Variants in KHDRBS3 observed in about 807,000 individuals in gnomAD.
The protein encoded by KHDRBS3 is KH domain-containing, RNA-binding, signal transduction-associated protein 3.
A neutral mutation model predicts 45.6 loss-of-function variants in KHDRBS3; 23 were observed. The ratio of observed to expected loss-of-function variants is 0.50; its 90% CI spans 0.36 to 0.72. The LOEUF is 0.72. Ranked by LOEUF, KHDRBS3 falls within the 30% of genes least tolerant of loss-of-function variation. The probability of loss-of-function intolerance (pLI) is 0.00; values close to 1 mark genes in which losing one functional copy is unlikely to be tolerated. For missense variants in KHDRBS3, 352 were observed against 424.8 expected, an observed-to-expected ratio of 0.83 and a Z score of 1.51; for synonymous variants, 162 against 156.5, an observed-to-expected ratio of 1.04 and a Z score of -0.26.
At chr8:135,500,902 G>A (rs929194708) in intron 1 of KHDRBS3, among the ~76,000 whole-genome samples, 4 of 152,084 alleles carry the variant, frequency 2.6e-5, no homozygotes, top group African/African-American at 9.7e-5. Context: ...TAAGTATATC[G>A]TGCTTGAATT....
chr8:135,650,950 A>G (rs766358686), downstream of KHDRBS3, among the ~76,000 whole-genome samples: 16 of 152,340 alleles, frequency 1.1e-4, no homozygotes, highest in South Asian at 3.3e-3. Flanking sequence ...TGCAGATGGT[A>G]GGAAGACAGT....
chr8:135,483,745 C>T (rs982803539), intron 1 of KHDRBS3, among the ~76,000 whole-genome samples: 1 of 152,290 alleles, frequency 6.6e-6, no homozygotes, highest in South Asian at 2.1e-4. Flanking sequence ...TGAACTTACT[C>T]TTCCAGATTT....
chr8:135,497,877 C>T (rs1361878266), intron 1 of KHDRBS3, among the ~76,000 whole-genome samples: 1 of 152,054 alleles, frequency 6.6e-6, no homozygotes, highest in Non-Finnish European at 1.5e-5. Context: ...TGTATTATTC[C>T]ATTTGACTTC....
intron 3 of KHDRBS3, among the ~76,000 whole-genome samples, chr8:135,544,110 T>C (rs986723450): frequency 1.3e-5 from 2 of 152,218 alleles, no homozygotes; most frequent in African/African-American, 2.4e-5. Flanking sequence ...GAAAGTACTC[T>C]ACCCTTGCTG....
intron 1 of KHDRBS3, among the ~76,000 whole-genome samples, chr8:135,469,294 G>GTT (rs1035769485): frequency 1.3e-5 from 2 of 151,942 alleles, no homozygotes; most frequent in Non-Finnish European, 2.9e-5. Context: ...AGGACCGTCT[G>GTT]TTTTTTTTGA....
chr8:135,564,484 AC>A (rs1469512145), intron 5 of KHDRBS3, among the ~76,000 whole-genome samples: 1 of 152,192 alleles, frequency 6.6e-6, no homozygotes, highest in Non-Finnish European at 1.5e-5. Context: ...TTTGGTACTC[AC>A]AATTTAATTA....
intron 1 of KHDRBS3, among the ~76,000 whole-genome samples, chr8:135,463,655 C>T (rs1462327532): frequency 2.6e-5 from 4 of 152,270 alleles, no homozygotes; most frequent in Middle Eastern, 3.4e-3. Context: ...ATTTTGGAAG[C>T]CCTAGTCACA....
chr8:135,642,092 C>T (rs1043293802), intron 7 of KHDRBS3, among the ~76,000 whole-genome samples: 3 of 152,096 alleles, frequency 2.0e-5, no homozygotes, highest in Non-Finnish European at 2.9e-5. Context: ...CATGTGGGCC[C>T]GACTTCTGTT....
intron 6 of KHDRBS3, among the ~76,000 whole-genome samples, chr8:135,600,581 C>T (rs1829164605): frequency 6.6e-6 from 1 of 152,206 alleles, no homozygotes; most frequent in African/African-American, 2.4e-5. Flanking sequence ...TATTAGAGAC[C>T]TCTTGTATCT....
Position 135,569,078 on chromosome 8 carries a change from A to G in KHDRBS3, c.611+11491A>G, listed in dbSNP as rs1827567535. On this transcript the variant is annotated intron_variant, in intron 5 of 8. Coordinates refer to ENST00000355849, the MANE Select transcript of KHDRBS3 (RefSeq NM_006558.3). Reference sequence around the variant, plus strand: ...TTTTACTCTTTGGAAGACTAAACCAATCACCATTAGGAGCCCTGTAGTTTA... The same window carrying G: ...TTTTACTCTTTGGAAGACTAAACCAGTCACCATTAGGAGCCCTGTAGTTTA... Among the ~76,000 whole-genome samples, 3 of 152,316 alleles carry G rather than the reference A, an allele frequency of 2.0e-5. No individual in the cohort carries two copies. In the South Asian group the frequency reaches 6.2e-4, roughly 32 times the overall value.
intron 1 of KHDRBS3, among the ~76,000 whole-genome samples, chr8:135,461,935 C>T (rs1821450939): frequency 6.6e-6 from 1 of 152,100 alleles, no homozygotes; most frequent in Non-Finnish European, 1.5e-5. Flanking sequence ...CAATTCTTAG[C>T]ATTACTTAGA....
intron 6 of KHDRBS3, among the ~76,000 whole-genome samples, chr8:135,605,341 C>T (rs1175431080): frequency 1.3e-5 from 2 of 152,032 alleles, no homozygotes; most frequent in Non-Finnish European, 2.9e-5. Flanking sequence ...TTCTCTTCCT[C>T]AGACTGGATT....
chr8:135,617,820 G>T lies in KHDRBS3; in HGVS notation c.890+10783G>T, dbSNP rs141478502. Among the ~76,000 whole-genome samples the T allele has an allele frequency of 2.9e-3, 439 of 152,246 alleles. 3 individuals are homozygous for T. Among genetic ancestry groups the T allele is most frequent in the African/African-American group, 9.9e-3 (410 of 41,532 alleles). ...TCAATAAAATCCCAACAAATAATCT[G>T]AATAAAATTATGCATGCCATTTTGA... is the stretch of plus-strand genomic sequence containing the variant. On this transcript the variant is annotated intron_variant, in intron 7 of 8. Coordinates refer to ENST00000355849, the MANE Select transcript of KHDRBS3 (RefSeq NM_006558.3).
intron 1 of KHDRBS3, among the ~76,000 whole-genome samples, chr8:135,468,325 C>T (rs1456136801): frequency 6.6e-6 from 1 of 152,072 alleles, no homozygotes; most frequent in Non-Finnish European, 1.5e-5. Flanking sequence ...CCAAAGGTGC[C>T]CTGGTTTCTT....
chr8:135,507,098 C>CT (rs1382477209), intron 1 of KHDRBS3, among the ~76,000 whole-genome samples: 1 of 152,084 alleles, frequency 6.6e-6, no homozygotes, highest in African/African-American at 2.4e-5. Context: ...TATCATGGAC[C>CT]TTTGGTGAGC....
chr8:135,650,011 A>G (rs116719573), downstream of KHDRBS3, among the ~76,000 whole-genome samples: 1,783 of 152,246 alleles, frequency 0.012, 28 homozygotes, highest in African/African-American at 0.039. Context: ...GCTATAGATA[A>G]GCCAGTCTTC....
At chr8:135,502,784 G>A (rs1361262479) in intron 1 of KHDRBS3, among the ~76,000 whole-genome samples, 1 of 152,154 alleles carries the variant, frequency 6.6e-6, no homozygotes, top group African/African-American at 2.4e-5. Context: ...TCTGTTCAAT[G>A]AAAGAATAAA....
chr8:135,563,379 C>T (rs1269046640), intron 5 of KHDRBS3, among the ~76,000 whole-genome samples: 3 of 152,212 alleles, frequency 2.0e-5, no homozygotes, highest in South Asian at 2.1e-4. Context: ...GGCCGCCTCC[C>T]TCTCAGCATC....
intron 2 of KHDRBS3, among the ~76,000 whole-genome samples, chr8:135,524,015 C>A (rs1825050669): frequency 6.6e-6 from 1 of 150,958 alleles, no homozygotes; most frequent in Non-Finnish European, 1.5e-5. Context: ...GTGATACTGA[C>A]TTATACTATT....
Sources: gnomAD v4.1 joint callset for allele counts (sites outside exome capture counted in the v4.1 genomes callset) on GRCh38, gnomAD v4.1.1 for gene constraint, MANE v1.5 for transcripts, NCBI Gene and HGNC (gene_info 2026-07-23, HGNC 2026-07-21) for gene names.